Variants in CRPPA observed in about 807,000 individuals in gnomAD.
CRPPA encodes the protein CDP-L-ribitol pyrophosphorylase A.
CRPPA carries 43 observed loss-of-function variants against 52.0 expected under a neutral mutation model. That is an observed-to-expected ratio of 0.83 (90% CI 0.65 to 1.07). The LOEUF (loss-of-function observed/expected upper bound fraction) is 1.07, where lower values mean the gene tolerates loss of function less well. Ranked by LOEUF, CRPPA falls within the 50% of genes least tolerant of loss-of-function variation. The pLI, the probability that CRPPA is intolerant of heterozygous loss-of-function variation, is 0.00. For missense variants in CRPPA, 629 were observed against 551.7 expected (o/e 1.14, Z -1.40); for synonymous variants, 250 against 203.5 (o/e 1.23, Z -1.94).
intron 9 of CRPPA, among the ~76,000 whole-genome samples, chr7:16,123,496 A>C (rs951416744): frequency 2.0e-5 from 3 of 152,186 alleles, no homozygotes; most frequent in African/African-American, 7.2e-5. Context: ...ATTCATTTTC[A>C]CATTAACCAC....
At chr7:16,123,180 T>C (rs1782510754) in intron 9 of CRPPA, among the ~76,000 whole-genome samples, 1 of 152,140 alleles carries the variant, frequency 6.6e-6, no homozygotes, top group African/African-American at 2.4e-5. Flanking sequence ...ATATTTGCTA[T>C]AGTTTAATAT....
chr7:16,148,231 T>C (rs1783011395), intron 9 of CRPPA, among the ~76,000 whole-genome samples: 1 of 152,060 alleles, frequency 6.6e-6, no homozygotes. Context: ...AAGTACAACC[T>C]CCAATTTCTC....
intron 3 of CRPPA, among the ~76,000 whole-genome samples, chr7:16,311,703 C>A (rs1331703259): frequency 6.6e-6 from 1 of 152,034 alleles, no homozygotes; most frequent in African/African-American, 2.4e-5. Flanking sequence ...TAAGATGCTG[C>A]CAAACTGTCT....
chr7:16,164,442 G>A (rs115101526), intron 9 of CRPPA, among the ~76,000 whole-genome samples: 45 of 152,152 alleles, frequency 3.0e-4, no homozygotes, highest in African/African-American at 9.6e-4. Context: ...GCTTCCTTGC[G>A]TTGAGTTAGA....
At chr7:16,148,609 G>A (rs1331652232) in intron 9 of CRPPA, among the ~76,000 whole-genome samples, 1 of 152,008 alleles carries the variant, frequency 6.6e-6, no homozygotes, top group Non-Finnish European at 1.5e-5. Context: ...CAAGTAGAGA[G>A]TGGAATTTTG....
Position 16,216,070 on chromosome 7 carries a change from G to T in CRPPA, c.1247C>A (p.Pro416Gln). The change falls in exon 9 of 10, where the codon CCA (proline) becomes CAA (glutamine). Residue 416 changes from proline to glutamine, a missense_variant. By Grantham distance (76) the Pro-to-Gln change is moderately conservative (BLOSUM62 -1). Coordinates refer to ENST00000407010, the MANE Select transcript of CRPPA (RefSeq NM_001101426.4). ...ILLYGLLISY[P>Q]QDDQKLQESL... ...GAAGATAAACATTTTACCTACCTGT[G>T]GGTAAGATATGAGAAGCCCATATAA... The T allele has an allele frequency of 6.3e-7, 1 of 1,582,268 alleles. No individual in the cohort carries two copies. Among genetic ancestry groups the T allele is most frequent in the Non-Finnish European group, 8.6e-7 (1 of 1,165,968 alleles).
At chr7:16,185,293 C>T (rs1781484497) in intron 9 of CRPPA, among the ~76,000 whole-genome samples, 1 of 152,144 alleles carries the variant, frequency 6.6e-6, no homozygotes, top group African/African-American at 2.4e-5. Context: ...GAGACTTATT[C>T]ACTACCATGA....
chr7:16,258,996 G>C lies in CRPPA; in HGVS notation c.950C>G (p.Ser317Cys). Reference protein sequence around the residue: ...KSELNHVKVTSEALGHAGRHL... With the variant: ...KSELNHVKVTCEALGHAGRHL... ...TCTGCCAGCATGACCCAGAGCCTCA[G>C]ATGTGACTTTTACATGCTAGTAGGA... The change falls in exon 7 of 10, where the codon TCT (serine) becomes TGT (cysteine). Residue 317 changes from serine to cysteine, a missense_variant. Physicochemically the swap from Ser to Cys is moderately radical, Grantham distance 112. Coordinates refer to ENST00000407010, the MANE Select transcript of CRPPA (RefSeq NM_001101426.4). 1 of 1,609,692 alleles carries C rather than the reference G, an allele frequency of 6.2e-7. No individual in the cohort carries two copies. The highest frequency in any genetic ancestry group is 8.5e-7 in the Non-Finnish European group (1 of 1,177,666).
intron 8 of CRPPA, among the ~76,000 whole-genome samples, chr7:16,240,532 G>C (rs1783074869): frequency 6.6e-6 from 1 of 150,996 alleles, no homozygotes; most frequent in Non-Finnish European, 1.5e-5. Context: ...CAGGGATTTG[G>C]ACTGGCCTGC....
chr7:16,099,618 C>G (rs958422591), intron 9 of CRPPA, among the ~76,000 whole-genome samples: 1 of 152,120 alleles, frequency 6.6e-6, no homozygotes, highest in Non-Finnish European at 1.5e-5. Context: ...GTAGGAAAGA[C>G]ACAAACTACA....
At chr7:16,364,804 T>C (rs1343749607) in intron 3 of CRPPA, among the ~76,000 whole-genome samples, 1 of 152,192 alleles carries the variant, frequency 6.6e-6, no homozygotes, top group Non-Finnish European at 1.5e-5. Context: ...ATGGCTTGAT[T>C]TTTATTAACC....
intron 8 of CRPPA, among the ~76,000 whole-genome samples, chr7:16,244,240 T>C (rs1015459748): frequency 2.0e-5 from 3 of 152,096 alleles, no homozygotes; most frequent in African/African-American, 7.2e-5. Flanking sequence ...AACAAAAATT[T>C]CCCACGTTAA....
At chr7:16,339,582 TATC>T (rs1467243605) in intron 3 of CRPPA, among the ~76,000 whole-genome samples, 1 of 152,242 alleles carries the variant, frequency 6.6e-6, no homozygotes, top group Non-Finnish European at 1.5e-5. Context: ...AATCTACAGC[TATC>T]ATCATTCTTA....
chr7:16,376,567 G>GA (rs147151245), intron 2 of CRPPA, among the ~76,000 whole-genome samples: 3,694 of 152,200 alleles, frequency 0.024, 144 homozygotes, highest in African/African-American at 0.085. Context: ...AGGAGGCAGA[G>GA]AAAGACTATC....
At chr7:16,384,147 G>A (rs138808063) in intron 2 of CRPPA, among the ~76,000 whole-genome samples, 12 of 152,146 alleles carry the variant, frequency 7.9e-5, no homozygotes, top group Non-Finnish European at 1.2e-4. Context: ...GGCTGCAGCC[G>A]TGTTAGGGCC....
chr7:16,346,349 A>G (rs1279741332), intron 3 of CRPPA, among the ~76,000 whole-genome samples: 2 of 152,198 alleles, frequency 1.3e-5, no homozygotes, highest in Non-Finnish European at 2.9e-5. Flanking sequence ...CTCCATAAGA[A>G]GTTTATATTT....
intron 9 of CRPPA, among the ~76,000 whole-genome samples, chr7:16,212,941 T>C (rs1583433544): frequency 6.6e-6 from 1 of 152,230 alleles, no homozygotes; most frequent in African/African-American, 2.4e-5. Flanking sequence ...TCCCTAAGCA[T>C]ATAAAATGCA....
intron 6 of CRPPA, among the ~76,000 whole-genome samples, chr7:16,271,682 T>G (rs1784092612): frequency 6.6e-6 from 1 of 152,194 alleles, no homozygotes; most frequent in Non-Finnish European, 1.5e-5. Context: ...ATACCACATC[T>G]GCCAAGAGAT....
chr7:16,262,242 C>T (rs911777997), intron 6 of CRPPA: 3 of 152,172 alleles, frequency 2.0e-5, no homozygotes, highest in African/African-American at 7.2e-5. Flanking sequence ...AGTGTCCACA[C>T]ATTGGCTGCC....
Sources: gnomAD v4.1 joint callset for allele counts (sites outside exome capture counted in the v4.1 genomes callset) on GRCh38, gnomAD v4.1.1 for gene constraint, MANE v1.5 for transcripts, NCBI Gene and HGNC (gene_info 2026-07-23, HGNC 2026-07-21) for gene names.